ABL1: variants seen among roughly 807,000 people sequenced by gnomAD.
The protein encoded by ABL1 is ABL proto-oncogene 1, non-receptor tyrosine kinase.
In ABL1, 11 loss-of-function variants were observed where a neutral mutation model predicts 94.7. The ratio of observed to expected loss-of-function variants is 0.12; its 90% CI spans 0.07 to 0.19. The LOEUF (loss-of-function observed/expected upper bound fraction) is 0.19. ABL1 is among the 10% of genes least tolerant of loss of function. ABL1 has a pLI of 1.00. For synonymous variants in ABL1, 656 were observed against 622.4 expected (o/e 1.05, Z -0.80); for missense variants, 1,082 against 1,489.4 (o/e 0.73, Z 4.50).
intron 1 of ABL1, among the ~76,000 whole-genome samples, chr9:130,813,974 A>T (rs1291869358): frequency 6.6e-6 from 1 of 152,046 alleles, no homozygotes; most frequent in Non-Finnish European, 1.5e-5. Context: ...GACTAGTGAA[A>T]CCCCAATTAA....
At chr9:130,768,029 A>G (rs1195183387) in intron 1 of ABL1, among the ~76,000 whole-genome samples, 4 of 152,208 alleles carry the variant, frequency 2.6e-5, no homozygotes, top group Non-Finnish European at 4.4e-5. Context: ...TTTTAAAACA[A>G]TATATTTTAC....
chr9:130,784,433 A>G lies in ABL1; in HGVS notation c.137-69631A>G, dbSNP rs909892015. Among the ~76,000 whole-genome samples, 45 of 152,338 alleles carry G rather than the reference A, an allele frequency of 3.0e-4. 1 individual carries two copies. Among genetic ancestry groups the G allele is most frequent in the African/African-American group, 1.1e-3 (45 of 41,584 alleles). The stretch of plus-strand genomic sequence containing the variant: ...TCATCATCTAGAAATGGGGAGAAGC[A>G]AAGAGTGGTATTTTGGCCAGTTAAT... On this transcript the variant is annotated intron_variant, in intron 1 of 10. Coordinates refer to the ABL1 transcript ENST00000372348.
At chr9:130,714,034 T>G (rs1443938612) in exon 1 of ABL1, 6 of 314,522 alleles carry the variant, frequency 1.9e-5, no homozygotes, top group Non-Finnish European at 2.9e-5. Flanking sequence ...GAAAAGAAAT[T>G]GTTATTCAGC....
At chr9:130,875,145 T>C (rs1831319121) in intron 7 of ABL1, 93 bp downstream of exon 7, 7 of 1,386,352 alleles carry the variant, frequency 5.0e-6, no homozygotes, top group East Asian at 2.4e-5. Context: ...TTTCTTCCTT[T>C]CTTTTTGTTT....
chr9:130,840,576 T>G (rs573369003), intron 1 of ABL1, among the ~76,000 whole-genome samples: 1 of 152,330 alleles, frequency 6.6e-6, no homozygotes, highest in African/African-American at 2.4e-5. Context: ...AGACTTTAAC[T>G]TTTCCTCCAT....
At chr9:130,735,415 T>C (rs1831722126) in intron 1 of ABL1, among the ~76,000 whole-genome samples, 1 of 152,010 alleles carries the variant, frequency 6.6e-6, no homozygotes, top group Admixed American at 6.6e-5. Flanking sequence ...AGAAGCTTGC[T>C]TGCACCTCTG....
intron 1 of ABL1, among the ~76,000 whole-genome samples, chr9:130,841,485 C>T (rs775241670): frequency 1.3e-5 from 2 of 151,552 alleles, no homozygotes; most frequent in Admixed American, 6.6e-5. Flanking sequence ...ATATGCAGCC[C>T]GTGGGCCATG....
At chr9:130,798,966 C>CAAA (rs71389357) in intron 1 of ABL1, among the ~76,000 whole-genome samples, 24 of 66,830 alleles carry the variant, frequency 3.6e-4, no homozygotes, top group African/African-American at 1.2e-3. Flanking sequence ...GACTCCGTCT[C>CAAA]AAAAAAAAAA....
chr9:130,785,928 TAAAAAAAAAAA>T (rs34333699), intron 1 of ABL1, among the ~76,000 whole-genome samples: 7 of 56,660 alleles, frequency 1.2e-4, no homozygotes, highest in African/African-American at 2.4e-4. Context: ...GTCTCAAAAC[TAAAAAAAAAAA>T]AAAAAAAAAA....
intron 1 of ABL1, among the ~76,000 whole-genome samples, chr9:130,741,820 A>G (rs1400491814): frequency 6.6e-6 from 1 of 152,216 alleles, no homozygotes; most frequent in Non-Finnish European, 1.5e-5. Flanking sequence ...TTTCCAACCT[A>G]GTGTAGAGAA....
At chr9:130,723,538 C>T (rs1304788014) in intron 1 of ABL1, among the ~76,000 whole-genome samples, 1 of 152,030 alleles carries the variant, frequency 6.6e-6, no homozygotes, top group Non-Finnish European at 1.5e-5. Context: ...AAGCAAGACC[C>T]TATCCTTTAA....
intron 1 of ABL1, among the ~76,000 whole-genome samples, chr9:130,849,522 T>G (rs1197751126): frequency 6.7e-6 from 1 of 148,806 alleles, no homozygotes; most frequent in Non-Finnish European, 1.5e-5. Context: ...AATGGTAATT[T>G]TTTTTGTTTT....
In ABL1 at chr9:130,741,618, C is replaced by T. The variant is rs1456009551; in HGVS notation, c.136+27163C>T. Among the ~76,000 whole-genome samples, 3 of 151,806 alleles carry T rather than the reference C, an allele frequency of 2.0e-5. No individual in the cohort carries two copies. The East Asian group carries it at 5.8e-4, about 29-fold the overall frequency. On this transcript the variant is annotated intron_variant, in intron 1 of 10. Coordinates refer to the ABL1 transcript ENST00000372348. ...CAGCACTGGTATACCAGTTACCATG[C>T]CGGAGTAACAGTTACTGCACTGATA...
intron 1 of ABL1, among the ~76,000 whole-genome samples, chr9:130,796,028 C>G (rs1387958480): frequency 2.0e-5 from 3 of 151,986 alleles, no homozygotes; most frequent in South Asian, 4.2e-4. Flanking sequence ...ACAAAGTTAG[C>G]TGGGTGTGGT....
chr9:130,807,700 T>TG (rs1830146740), intron 1 of ABL1, among the ~76,000 whole-genome samples: 1 of 115,314 alleles, frequency 8.7e-6, no homozygotes, highest in Non-Finnish European at 1.8e-5. Flanking sequence ...ATATAGTTTT[T>TG]TTTTTTTTTT....
At chr9:130,733,863 TA>T (rs1273230410) in intron 1 of ABL1, among the ~76,000 whole-genome samples, 1 of 152,176 alleles carries the variant, frequency 6.6e-6, no homozygotes, top group East Asian at 1.9e-4. Flanking sequence ...GTGCTGGGGT[TA>T]CAGGTGTGAG....
At chr9:130,805,820 G>A (rs960730931) in intron 1 of ABL1, among the ~76,000 whole-genome samples, 1 of 152,190 alleles carries the variant, frequency 6.6e-6, no homozygotes, top group Non-Finnish European at 1.5e-5. Flanking sequence ...GAAGGGGGAA[G>A]CCCTTCAGTT....
intron 1 of ABL1, among the ~76,000 whole-genome samples, chr9:130,732,844 C>A (rs1220207999): frequency 6.6e-6 from 1 of 151,850 alleles, no homozygotes; most frequent in Non-Finnish European, 1.5e-5. Context: ...CCTTTAAGTC[C>A]TCCTTTAAGA....
At chr9:130,817,397 C>T (rs1013201605) in intron 1 of ABL1, among the ~76,000 whole-genome samples, 2 of 152,188 alleles carry the variant, frequency 1.3e-5, no homozygotes, top group Non-Finnish European at 2.9e-5. Context: ...TGTTCCTCTT[C>T]CTTATTTGAA....
Sources: allele counts gnomAD v4.1 joint callset (sites outside exome capture counted in the v4.1 genomes callset), GRCh38; gene constraint gnomAD v4.1.1; transcripts MANE v1.5; gene names NCBI Gene and HGNC (gene_info 2026-07-23, HGNC 2026-07-21).